Variants in TNR observed in about 807,000 individuals in gnomAD.
TNR encodes tenascin R.
In TNR, 45 loss-of-function variants were observed where a neutral mutation model predicts 150.4. That is an observed-to-expected ratio of 0.30 (90% CI 0.24 to 0.38). The LOEUF (loss-of-function observed/expected upper bound fraction) is 0.38. TNR is among the 10% of genes least tolerant of loss of function. TNR has a pLI of 1.00. For synonymous variants in TNR, 687 were observed against 678.4 expected, an observed-to-expected ratio of 1.01 and a Z score of -0.20; for missense variants, 1,544 against 1,759.1, an observed-to-expected ratio of 0.88 and a Z score of 2.19.
At chr1:175,541,155 A>G (rs991931678) in intron 1 of TNR, among the ~76,000 whole-genome samples, 1 of 152,046 alleles carries the variant, frequency 6.6e-6, no homozygotes, top group African/African-American at 2.4e-5. Context: ...GATGGGTTAG[A>G]TGCCATTCCC....
chr1:175,551,455 A>G (rs1250939393), intron 1 of TNR, among the ~76,000 whole-genome samples: 1 of 152,228 alleles, frequency 6.6e-6, no homozygotes, highest in East Asian at 1.9e-4. Context: ...GGGTCTGGAA[A>G]TCAGAGAATC....
At chr1:175,585,394 T>C (rs1268985364) in intron 1 of TNR, among the ~76,000 whole-genome samples, 3 of 152,236 alleles carry the variant, frequency 2.0e-5, no homozygotes, top group Non-Finnish European at 4.4e-5. Context: ...ATCGTGAGCA[T>C]GTATTATGTG....
chr1:175,715,915 C>T (rs575899420), intron 1 of TNR, among the ~76,000 whole-genome samples: 12 of 152,298 alleles, frequency 7.9e-5, no homozygotes, highest in African/African-American at 2.9e-4. Context: ...GATGCAACTG[C>T]CCTACTTCCT....
At chr1:175,436,348 T>G (rs1263641279) in intron 2 of TNR, among the ~76,000 whole-genome samples, 2 of 152,200 alleles carry the variant, frequency 1.3e-5, no homozygotes, top group Non-Finnish European at 2.9e-5. Context: ...TCTTTATTCT[T>G]TTTTCTCTAA....
chr1:175,347,809 A>G (rs888173867), intron 18 of TNR, among the ~76,000 whole-genome samples: 3 of 152,206 alleles, frequency 2.0e-5, no homozygotes, highest in African/African-American at 7.2e-5. Flanking sequence ...ATTATGCAAC[A>G]TGATAATGCT....
At chr1:175,343,143 CA>C (rs935791533) in intron 18 of TNR, among the ~76,000 whole-genome samples, 2 of 152,160 alleles carry the variant, frequency 1.3e-5, no homozygotes, top group African/African-American at 4.8e-5. Flanking sequence ...TTTACTTGCC[CA>C]AAACCCTTCA....
At chr1:175,566,647 C>T (rs1661655681) in intron 1 of TNR, among the ~76,000 whole-genome samples, 1 of 152,230 alleles carries the variant, frequency 6.6e-6, no homozygotes, top group Non-Finnish European at 1.5e-5. Context: ...AACATGACTC[C>T]TACAGTCACC....
At chr1:175,541,194 C>T (rs1281220268) in intron 1 of TNR, among the ~76,000 whole-genome samples, 4 of 152,118 alleles carry the variant, frequency 2.6e-5, no homozygotes, top group Non-Finnish European at 5.9e-5. Flanking sequence ...ACCATAAACT[C>T]TCGCAATAAC....
intron 20 of TNR, chr1:175,335,186 C>T (rs145691234): frequency 2.8e-4 from 43 of 152,694 alleles, no homozygotes; most frequent in Non-Finnish European, 3.8e-4. Context: ...TACCATCTCA[C>T]GCCAGTTTGG....
chr1:175,692,468 A>G (rs772790360), intron 1 of TNR, among the ~76,000 whole-genome samples: 23 of 152,240 alleles, frequency 1.5e-4, no homozygotes, highest in Non-Finnish European at 2.8e-4. Context: ...GAGTGCCTCA[A>G]GTTCCCTTCA....
chr1:175,497,564 A>G (rs1433260470), intron 2 of TNR, among the ~76,000 whole-genome samples: 6 of 152,168 alleles, frequency 3.9e-5, no homozygotes, highest in African/African-American at 1.4e-4. Flanking sequence ...CTGAGCCTGG[A>G]TCCTAATGCC....
chr1:175,393,416 C>G (rs1653269919), intron 6 of TNR, among the ~76,000 whole-genome samples: 2 of 152,176 alleles, frequency 1.3e-5, no homozygotes, highest in Admixed American at 1.3e-4. Flanking sequence ...TTCAGCCTGG[C>G]TTTTCTTATG....
intron 1 of TNR, among the ~76,000 whole-genome samples, chr1:175,555,251 A>T (rs59034959): frequency 1.2e-4 from 18 of 152,254 alleles, no homozygotes; most frequent in African/African-American, 4.1e-4. Flanking sequence ...GAGGGGAAAA[A>T]TCTCAGATAT....
chr1:175,555,222 C>T (rs138197494), intron 1 of TNR, among the ~76,000 whole-genome samples: 3 of 152,090 alleles, frequency 2.0e-5, no homozygotes, highest in African/African-American at 7.2e-5. Context: ...CTCTTCCCCA[C>T]CCCCTATAGA....
At chr1:175,403,991 G>C (rs145125129) in intron 3 of TNR, among the ~76,000 whole-genome samples, 1 of 152,248 alleles carries the variant, frequency 6.6e-6, no homozygotes, top group Non-Finnish European at 1.5e-5. Context: ...GGAAGGGAAC[G>C]TGCTCAAGCC....
intron 1 of TNR, among the ~76,000 whole-genome samples, chr1:175,690,099 T>G (rs996589459): frequency 6.6e-6 from 1 of 152,172 alleles, no homozygotes; most frequent in Non-Finnish European, 1.5e-5. Context: ...AATTACAAGT[T>G]CATATAGGAA....
intron 1 of TNR, among the ~76,000 whole-genome samples, chr1:175,703,648 T>C (rs1006835462): frequency 1.3e-5 from 2 of 151,922 alleles, no homozygotes; most frequent in African/African-American, 4.8e-5. Context: ...AACCACCCAA[T>C]AGACAAATGA....
At chr1:175,532,142 G>C (rs1275954697) in intron 1 of TNR, among the ~76,000 whole-genome samples, 2 of 152,334 alleles carry the variant, frequency 1.3e-5, no homozygotes, top group East Asian at 3.9e-4. Flanking sequence ...AAAGGTTTTG[G>C]TTGATGTACT....
At chr1:175,719,313 G>C (rs1667238036) in intron 1 of TNR, among the ~76,000 whole-genome samples, 1 of 152,144 alleles carries the variant, frequency 6.6e-6, no homozygotes, top group Non-Finnish European at 1.5e-5. Flanking sequence ...GCTTAGCAGA[G>C]AGGTCCTCAC....
Sources: gnomAD v4.1 joint callset for allele counts (sites outside exome capture counted in the v4.1 genomes callset) on GRCh38, gnomAD v4.1.1 for gene constraint, MANE v1.5 for transcripts, NCBI Gene and HGNC (gene_info 2026-07-23, HGNC 2026-07-21) for gene names.